Variants in ALPK1 observed in about 807,000 individuals in gnomAD.
ALPK1 encodes the protein alpha kinase 1.
In ALPK1, 110 loss-of-function variants were observed where a neutral mutation model predicts 120.6. That is an observed-to-expected ratio of 0.91 (90% CI 0.78 to 1.07). ALPK1 has a LOEUF of 1.07. ALPK1 is among the 50% of genes least tolerant of loss of function. The probability of loss-of-function intolerance (pLI) is 0.00; values close to 1 mark genes in which losing one functional copy is unlikely to be tolerated. For missense variants in ALPK1, 1,498 were observed against 1,483.9 expected, an observed-to-expected ratio of 1.01 and a Z score of -0.16; for synonymous variants, 582 against 560.3, an observed-to-expected ratio of 1.04 and a Z score of -0.55.
Position 112,431,467 on chromosome 4 carries a change from A to G in ALPK1, c.1920A>G (p.Ser640=). ...ENDREGRAMH[S]LHSQLHDLSL... The stretch of plus-strand genomic sequence containing the variant: ...ACAGGGAAGGCAGAGCTATGCATTC[A>G]TTGCATTCACAGCTTCATGATCTCT... Residue 640 remains serine (S), a synonymous_variant, in exon 11 of 16, where the codon TCA becomes TCG. Coordinates refer to ENST00000650871, the MANE Select transcript of ALPK1 (RefSeq NM_025144.4). The G allele has an allele frequency of 1.2e-6, 2 of 1,614,220 alleles. No homozygotes were observed.
At chr4:112,383,456 G>C (rs956159593) in intron 4 of ALPK1, 4 of 151,908 alleles carry the variant, frequency 2.6e-5, no homozygotes, top group African/African-American at 9.7e-5. Flanking sequence ...ATCTAAGAAA[G>C]ACCCCCTGAT....
rs563939401 is a variant in ALPK1 at position 112,432,187 on chromosome 4, G to T, written c.2640G>T (p.Pro880=). The change falls in exon 11 of 16, where the codon CCG becomes CCT. Residue 880 remains proline (P), a synonymous_variant. Transcript: ENST00000650871. ...ATAGACTGTGCATTCTGAGACAGCC[G>T]CCTGGTCAGAGGGCGGAGACCCCCA... ...GSHRLCILRQ[P]PGQRAETPNS... is the part of the protein sequence containing the mutation. 5.6e-6 allele frequency: 9 copies of T among 1,614,072 alleles called. No homozygotes were observed. The highest frequency in any genetic ancestry group is 7.6e-6 in the Non-Finnish European group (9 of 1,180,036).
At chr4:112,354,150 T>C (rs1730491679) in intron 2 of ALPK1, among the ~76,000 whole-genome samples, 1 of 152,192 alleles carries the variant, frequency 6.6e-6, no homozygotes, top group Non-Finnish European at 1.5e-5. Context: ...TCCCAGTTTG[T>C]GATTTTTCTT....
chr4:112,307,612 C>T (rs560717172), intron 1 of ALPK1, among the ~76,000 whole-genome samples: 4 of 152,202 alleles, frequency 2.6e-5, no homozygotes, highest in African/African-American at 9.6e-5. Flanking sequence ...AGATCTTTCT[C>T]CATCCCTTTA....
At chr4:112,369,555 T>C (rs1221101870) in intron 2 of ALPK1, among the ~76,000 whole-genome samples, 1 of 152,124 alleles carries the variant, frequency 6.6e-6, no homozygotes, top group Non-Finnish European at 1.5e-5. Flanking sequence ...TGGTGGTGCA[T>C]GCCTGTAATC....
chr4:112,423,436 A>G (rs1238251014), intron 5 of ALPK1, among the ~76,000 whole-genome samples: 2 of 152,200 alleles, frequency 1.3e-5, no homozygotes, highest in Non-Finnish European at 2.9e-5. Flanking sequence ...TTTGGTTAAA[A>G]GGATAAATAA....
intron 12 of ALPK1, among the ~76,000 whole-genome samples, chr4:112,438,200 C>A (rs191737941): frequency 6.6e-6 from 1 of 152,154 alleles, no homozygotes; most frequent in Non-Finnish European, 1.5e-5. Flanking sequence ...TTTGCTGACC[C>A]CCTTGTCTTA....
chr4:112,421,948 C>G (rs567905667), intron 5 of ALPK1, among the ~76,000 whole-genome samples: 1 of 152,200 alleles, frequency 6.6e-6, no homozygotes, highest in Non-Finnish European at 1.5e-5. Context: ...TTCTCTTTGG[C>G]ACATCCAAAT....
At chr4:112,322,013 CT>C (rs11355491) in intron 2 of ALPK1, among the ~76,000 whole-genome samples, 12,824 of 152,180 alleles carry the variant, frequency 0.084, 837 homozygotes, top group Admixed American at 0.21. Context: ...GAAGAACCAA[CT>C]TTACTGTCAG....
chr4:112,357,071 A>T lies in ALPK1; in HGVS notation c.-100-20607A>T, dbSNP rs1393179840. 8.3e-6 allele frequency: 8 copies of T among 969,052 alleles called. No individual in the cohort carries two copies. The African/African-American group carries it at 1.1e-4, about 14-fold the overall frequency. The allele number at this position is 969,052 out of a possible 1,614,324, so 60.0% of individuals were successfully genotyped here. A position where few individuals can be genotyped will look rare whatever the true frequency, so the allele number is the denominator to read the frequency against. On this transcript the variant is annotated intron_variant, in intron 2 of 15. Transcript: ENST00000650871. ...AGGGCTGAACATGGAGCTGGAAGAC[A>T]TTGCAAAGCTGAAGATGATCCTGCT...
chr4:112,389,550 C>T (rs1732311839), intron 4 of ALPK1, among the ~76,000 whole-genome samples: 1 of 152,158 alleles, frequency 6.6e-6, no homozygotes, highest in Non-Finnish European at 1.5e-5. Context: ...GTTTAGGTCC[C>T]CTAGATAAGA....
At chr4:112,354,479 G>C (rs1380434507) in intron 2 of ALPK1, among the ~76,000 whole-genome samples, 3 of 151,820 alleles carry the variant, frequency 2.0e-5, no homozygotes, top group Non-Finnish European at 4.4e-5. Flanking sequence ...TTTGTTTTTT[G>C]TTTTCAGACA....
chr4:112,314,791 A>C (rs890077045), intron 1 of ALPK1, among the ~76,000 whole-genome samples: 1 of 149,800 alleles, frequency 6.7e-6, no homozygotes, highest in African/African-American at 2.4e-5. Context: ...ATGGTGGTTT[A>C]GGGGCTGTAG....
At chr4:112,399,772 C>T (rs1193474352) in intron 4 of ALPK1, among the ~76,000 whole-genome samples, 4 of 152,024 alleles carry the variant, frequency 2.6e-5, no homozygotes, top group Non-Finnish European at 4.4e-5. Context: ...CTACAGGCCC[C>T]GGTGTGTGAT....
chr4:112,303,248 C>G (rs1248292178), intron 1 of ALPK1, among the ~76,000 whole-genome samples: 1 of 152,188 alleles, frequency 6.6e-6, no homozygotes, highest in East Asian at 1.9e-4. Context: ...TGCCATTCCT[C>G]TCCCTGAGTC....
In ALPK1 at chr4:112,441,218, C is replaced by T. The variant is rs765179777; in HGVS notation, c.*8C>T. Reference sequence around the variant, plus strand: ...CTCCTTCCAGGCACATAGAATACGGCACAGTCTGGTCCTTTGGGGCTTGGG... The same window carrying T: ...CTCCTTCCAGGCACATAGAATACGGTACAGTCTGGTCCTTTGGGGCTTGGG... On this transcript the variant is annotated 3_prime_UTR_variant, in exon 16 of 16. Coordinates refer to ENST00000650871, the MANE Select transcript of ALPK1 (RefSeq NM_025144.4). The T allele has an allele frequency of 6.4e-7, 1 of 1,570,002 alleles. No individual in the cohort carries two copies. The highest frequency in any genetic ancestry group is 1.1e-5 in the South Asian group (1 of 90,230).
At chr4:112,440,183 C>T (rs1265767342) in intron 14 of ALPK1, among the ~76,000 whole-genome samples, 5 of 152,042 alleles carry the variant, frequency 3.3e-5, no homozygotes, top group Non-Finnish European at 5.9e-5. Context: ...ATGTATATTT[C>T]GTTGCATTTT....
At chr4:112,367,868 C>T (rs973836154) in intron 2 of ALPK1, among the ~76,000 whole-genome samples, 1 of 152,094 alleles carries the variant, frequency 6.6e-6, no homozygotes, top group African/African-American at 2.4e-5. Flanking sequence ...GATTTATTAT[C>T]CAGTTCAAAA....
intron 1 of ALPK1, among the ~76,000 whole-genome samples, chr4:112,299,643 G>T (rs1299277009): frequency 2.6e-5 from 4 of 152,114 alleles, no homozygotes; most frequent in African/African-American, 9.7e-5. Flanking sequence ...CAGTATCTTT[G>T]AATTTTACTG....
Sources: gnomAD v4.1 joint callset for allele counts (sites outside exome capture counted in the v4.1 genomes callset) on GRCh38, gnomAD v4.1.1 for gene constraint, MANE v1.5 for transcripts, NCBI Gene and HGNC (gene_info 2026-07-23, HGNC 2026-07-21) for gene names.